The following PHACTR4 variants were observed in gnomAD, a reference collection of about 807,000 sequenced individuals.
PHACTR4 encodes phosphatase and actin regulator 4, also known as protein phosphatase 1, regulatory subunit 124.
A neutral mutation model predicts 72.7 loss-of-function variants in PHACTR4; 51 were observed. That is an observed-to-expected ratio of 0.70 (90% CI 0.56 to 0.89). The LOEUF (loss-of-function observed/expected upper bound fraction) is 0.89, where lower values mean the gene tolerates loss of function less well. PHACTR4 is among the 40% of genes least tolerant of loss of function. The probability of loss-of-function intolerance (pLI) is 0.00; values close to 1 mark genes in which losing one functional copy is unlikely to be tolerated. For synonymous variants in PHACTR4, 255 were observed against 302.5 expected, an observed-to-expected ratio of 0.84 and a Z score of 1.63; for missense variants, 731 against 861.8, an observed-to-expected ratio of 0.85 and a Z score of 1.90.
chr1:28,465,487 A>G (rs1267731152), intron 4 of PHACTR4, among the ~76,000 whole-genome samples, 198 bp from the exon 5 acceptor site: 2 of 152,116 alleles, frequency 1.3e-5, no homozygotes. Context: ...GCAGTGATTC[A>G]TGCCATTTAT....
At chr1:28,450,587 C>G (rs1272945199) in intron 2 of PHACTR4, among the ~76,000 whole-genome samples, 1 of 151,906 alleles carries the variant, frequency 6.6e-6, no homozygotes, top group Non-Finnish European at 1.5e-5. Flanking sequence ...TTCTGGATAC[C>G]TGAGTATATT....
chr1:28,482,281 A>G (rs1015402090), intron 9 of PHACTR4, among the ~76,000 whole-genome samples: 1 of 152,190 alleles, frequency 6.6e-6, no homozygotes, highest in African/African-American at 2.4e-5. Flanking sequence ...CAGAACAGAA[A>G]GGCTCCTCTG....
chr1:28,370,611 C>CAAAAAAAAAAA (rs112345135), intron 1 of PHACTR4, among the ~76,000 whole-genome samples: 2 of 130,206 alleles, frequency 1.5e-5, no homozygotes, highest in African/African-American at 3.0e-5. Flanking sequence ...TGATTGCTTG[C>CAAAAAAAAAAA]AAAAAAAAAA....
chr1:28,427,745 A>G (rs975974085), intron 2 of PHACTR4, among the ~76,000 whole-genome samples: 4 of 152,136 alleles, frequency 2.6e-5, no homozygotes, highest in Non-Finnish European at 5.9e-5. Flanking sequence ...CATCTAATGT[A>G]ATGGGAAGAG....
chr1:28,486,814 G>T (rs541025550), intron 9 of PHACTR4, among the ~76,000 whole-genome samples: 40 of 151,618 alleles, frequency 2.6e-4, no homozygotes, highest in African/African-American at 8.7e-4. Flanking sequence ...AGCCAAGGTG[G>T]CGCCAGTGCA....
At chr1:28,488,548 G>A (rs1210215336) in intron 9 of PHACTR4, among the ~76,000 whole-genome samples, 1 of 152,058 alleles carries the variant, frequency 6.6e-6, no homozygotes, top group Non-Finnish European at 1.5e-5. Context: ...CCAGCAGTTT[G>A]GGGGGCCAAG....
intron 13 of PHACTR4, among the ~76,000 whole-genome samples, chr1:28,495,618 T>A (rs796709938): frequency 8.9e-5 from 11 of 123,182 alleles, no homozygotes; most frequent in Middle Eastern, 7.5e-3. Context: ...TATTTATTTT[T>A]TTTTTTTTTA....
In PHACTR4 at chr1:28,496,891, A is replaced by T. The variant is rs1661392988; in HGVS notation, c.*342A>T. The stretch of plus-strand genomic sequence containing the variant: ...CCCCTAGATGACTGCCTGTGCAGAG[A>T]CACAGTTTGCACCATTAGCCTTACC... On this transcript the variant is annotated 3_prime_UTR_variant, in exon 14 of 14. Transcript: ENST00000373839. 2.5e-6 allele frequency: 1 copy of T among 399,764 alleles called. No homozygotes were observed. Among genetic ancestry groups the T allele is most frequent in the African/African-American group, 2.0e-5 (1 of 49,048 alleles). 24.8% of individuals were successfully genotyped at this position (399,764 alleles called of 1,614,324 possible).
intron 1 of PHACTR4, among the ~76,000 whole-genome samples, chr1:28,399,106 G>A (rs1653753077): frequency 6.6e-6 from 1 of 152,096 alleles, no homozygotes; most frequent in Non-Finnish European, 1.5e-5. Flanking sequence ...GAGGTCAGGA[G>A]TTCAAGACCA....
intron 2 of PHACTR4, among the ~76,000 whole-genome samples, chr1:28,416,098 C>T (rs1478584551): frequency 1.3e-5 from 2 of 152,156 alleles, no homozygotes; most frequent in Admixed American, 6.5e-5. Flanking sequence ...ATAGTCCTTC[C>T]CTCCCTCCTC....
chr1:28,436,535 A>G (rs563641573), intron 2 of PHACTR4, among the ~76,000 whole-genome samples: 2 of 152,322 alleles, frequency 1.3e-5, no homozygotes, highest in South Asian at 2.1e-4. Context: ...CTCACAATGC[A>G]TGGTTAGTTG....
intron 2 of PHACTR4, among the ~76,000 whole-genome samples, chr1:28,412,701 T>G (rs761428904): frequency 6.6e-6 from 1 of 152,206 alleles, no homozygotes; most frequent in South Asian, 2.1e-4. Context: ...TTCTTATGTA[T>G]TTAGTTTTAC....
intron 2 of PHACTR4, among the ~76,000 whole-genome samples, chr1:28,437,010 T>G (rs924877622): frequency 7.9e-5 from 12 of 152,346 alleles, no homozygotes; most frequent in Middle Eastern, 3.4e-3. Context: ...TCAGAAATAT[T>G]TGTTTGTATT....
At chr1:28,476,772 C>CTTTTTTTTTTTTTTT (rs35369238) in intron 8 of PHACTR4, among the ~76,000 whole-genome samples, 6,070 of 96,662 alleles carry the variant, frequency 0.063, 1,002 homozygotes, top group African/African-American at 0.085. Context: ...CTAGCCTGTT[C>CTTTTTTTTTTTTTTT]TTTTTTTTTT....
At chr1:28,393,388 C>T (rs981051028) in intron 1 of PHACTR4, among the ~76,000 whole-genome samples, 2 of 152,170 alleles carry the variant, frequency 1.3e-5, no homozygotes, top group African/African-American at 4.8e-5. Flanking sequence ...TAAATGAATG[C>T]ACTGCATAAT....
intron 6 of PHACTR4, among the ~76,000 whole-genome samples, chr1:28,472,219 A>T (rs533192436): frequency 3.9e-5 from 6 of 152,098 alleles, no homozygotes; most frequent in African/African-American, 1.4e-4. Context: ...AAAAAAAAAA[A>T]AAATTAGAGA....
chr1:28,401,887 C>T (rs1030887434), intron 1 of PHACTR4, among the ~76,000 whole-genome samples: 4 of 152,194 alleles, frequency 2.6e-5, no homozygotes, highest in African/African-American at 9.6e-5. Context: ...CCATCAGCCA[C>T]TGCATCCAGC....
At chr1:28,491,349 T>C (rs1035909683) in intron 11 of PHACTR4, among the ~76,000 whole-genome samples, 3 of 151,894 alleles carry the variant, frequency 2.0e-5, no homozygotes, top group African/African-American at 7.3e-5. Flanking sequence ...TATCAGCTAC[T>C]TGGGAGGCTG....
At position 28,397,561 on chromosome 1, in the gene PHACTR4, C is replaced by T. The variant is rs545755622; in HGVS notation, c.-38-9849C>T. ...ATTACCCAGAAAGGAATAGAAAAGG[C>T]AGAAAATAATTTCATTCTTGACGGT... is the stretch of plus-strand genomic sequence containing the variant. On this transcript the variant is annotated intron_variant, in intron 1 of 13. Coordinates refer to ENST00000373839, the MANE Select transcript of PHACTR4 (RefSeq NM_001048183.3). Among the ~76,000 whole-genome samples the T allele has an allele frequency of 1.1e-4, 17 of 152,126 alleles. No individual in the cohort carries two copies. In the East Asian group the frequency reaches 3.3e-3, roughly 29 times the overall value.
Sources: allele counts gnomAD v4.1 joint callset (sites outside exome capture counted in the v4.1 genomes callset), GRCh38; gene constraint gnomAD v4.1.1; transcripts MANE v1.5; gene names NCBI Gene and HGNC (gene_info 2026-07-23, HGNC 2026-07-21).